The following PIAS4 variants were observed in gnomAD, a reference collection of about 807,000 sequenced individuals.
PIAS4 encodes the protein E3 SUMO-protein ligase PIAS4.
Under a neutral mutation model 58.0 loss-of-function variants are expected in PIAS4, and 7 were observed. The observed-to-expected ratio is 0.12, with a 90% CI of 0.07 to 0.23. The LOEUF (loss-of-function observed/expected upper bound fraction) is 0.23. Among genes scored for constraint, PIAS4 ranks in the 10% least tolerant of loss-of-function variants. The probability of loss-of-function intolerance (pLI) is 1.00; values close to 1 mark genes in which losing one functional copy is unlikely to be tolerated. For missense variants in PIAS4, 550 were observed against 709.5 expected (o/e 0.78, Z 2.55); for synonymous variants, 364 against 312.4 (o/e 1.17, Z -1.74).
intron 2 of PIAS4, among the ~76,000 whole-genome samples, chr19:4,021,239 G>A (rs780953680): frequency 5.3e-5 from 8 of 151,858 alleles, no homozygotes; most frequent in Non-Finnish European, 8.8e-5. Flanking sequence ...TGCAACCTCC[G>A]CCTTCTGGGT....
rs2040190954 is a variant in PIAS4 at position 4,028,527 on chromosome 19, C to T, written c.599C>T (p.Thr200Ile). Residue 200 changes from threonine to isoleucine, a missense_variant, in exon 5 of 11, where the codon ACC becomes ATC. This residue lies in a region of PIAS4 where 225 missense variants were observed against 345.8 expected (regional missense o/e 0.65). Transcript: ENST00000262971. ...QVVLRICYSD[T>I]SCPQEDQYPP... ...CGTTGCAGAATCTGTTACTCAGACA[C>T]CAGCTGCCCTCAGGAGGACCAGTAC... The T allele has an allele frequency of 1.2e-6, 2 of 1,612,734 alleles. No individual in the cohort carries two copies. Among genetic ancestry groups the T allele is most frequent in the Non-Finnish European group, 1.7e-6 (2 of 1,179,810 alleles).
At position 4,013,888 on chromosome 19, in the gene PIAS4, C is replaced by G. The variant is rs937086298; in HGVS notation, c.454+539C>G. 4.6e-5 allele frequency among the ~76,000 whole-genome samples: 7 copies of G among 152,146 alleles called. No individual in the cohort carries two copies. Among genetic ancestry groups the G allele is most frequent in the African/African-American group, 1.7e-4 (7 of 41,428 alleles). On this transcript the variant is annotated intron_variant, in intron 2 of 10. Transcript: ENST00000262971. The surrounding 1 kb of genome is among the most constrained non-coding windows in gnomAD (Gnocchi z 5.1). ...GCTGGAGCCCTTTTTATAACCCAACCTCGGACACGCCTCGCCATCTCCCCC... is the reference window on the plus strand; with the variant it reads ...GCTGGAGCCCTTTTTATAACCCAACGTCGGACACGCCTCGCCATCTCCCCC...
chr19:4,008,492 A>C (rs1242930720), intron 1 of PIAS4, among the ~76,000 whole-genome samples: 1 of 152,058 alleles, frequency 6.6e-6, no homozygotes, highest in Non-Finnish European at 1.5e-5. Context: ...CACACGCCGG[A>C]GTGGGCGCTT....
chr19:4,022,636 G>A (rs2040121642), intron 2 of PIAS4, among the ~76,000 whole-genome samples: 1 of 151,846 alleles, frequency 6.6e-6, no homozygotes, highest in African/African-American at 2.4e-5. Context: ...AAAATGCTGG[G>A]ATTACAGGCG....
chr19:4,017,622 C>G (rs912902308), intron 2 of PIAS4: 6 of 150,154 alleles, frequency 4.0e-5, no homozygotes, highest in Non-Finnish European at 8.8e-5. Flanking sequence ...GAGGGGACAG[C>G]CTGGGGAGGG....
chr19:4,030,163 G>A (rs1470347221), intron 7 of PIAS4, among the ~76,000 whole-genome samples: 2 of 147,994 alleles, frequency 1.4e-5, no homozygotes, highest in African/African-American at 5.0e-5. Flanking sequence ...GAATCTTGCT[G>A]TGTTGCCCAG....
intron 1 of PIAS4, among the ~76,000 whole-genome samples, chr19:4,008,067 G>T (rs1208153450): frequency 6.6e-6 from 1 of 151,660 alleles, no homozygotes; most frequent in Non-Finnish European, 1.5e-5. Flanking sequence ...TTAGGGTCCC[G>T]GTCCCTGAGC....
chr19:4,028,612 C>A lies in PIAS4; in HGVS notation c.672+12C>A. 6.2e-7 allele frequency: 1 copy of A among 1,611,864 alleles called. No individual in the cohort carries two copies. The highest frequency in any genetic ancestry group is 8.5e-7 in the Non-Finnish European group (1 of 1,179,244). On this transcript the variant is annotated intron_variant, in intron 5 of 10. Coordinates refer to ENST00000262971, the MANE Select transcript of PIAS4 (RefSeq NM_015897.4). ...ACTGCTCCGTCCCGGTGAGCATGCC[C>A]CGCCCCCGCGTCGGCTGCACGGGTT...
intron 3 of PIAS4, among the ~76,000 whole-genome samples, chr19:4,027,525 G>T (rs1201054901): frequency 6.6e-6 from 1 of 151,942 alleles, no homozygotes; most frequent in Non-Finnish European, 1.5e-5. Flanking sequence ...TTCTTCTGGG[G>T]GCGTTTCTTG....
chr19:4,022,248 G>A (rs1041482163), intron 2 of PIAS4, among the ~76,000 whole-genome samples: 2 of 152,174 alleles, frequency 1.3e-5, no homozygotes, highest in African/African-American at 2.4e-5. Context: ...AAAAGCTGTA[G>A]GGTCTGTACT....
chr19:4,035,745 C>G (rs568062614), intron 9 of PIAS4, among the ~76,000 whole-genome samples: 1 of 148,858 alleles, frequency 6.7e-6, no homozygotes, highest in African/African-American at 2.5e-5. Context: ...CCATACAGTC[C>G]ACACCATCAC....
At chr19:4,012,281 G>A (rs1037949291) in intron 1 of PIAS4, among the ~76,000 whole-genome samples, 6 of 152,002 alleles carry the variant, frequency 3.9e-5, no homozygotes, top group Non-Finnish European at 8.8e-5. Context: ...GCCTGGGTTC[G>A]AATCTTGGCG....
chr19:4,034,065 G>A lies in PIAS4; in HGVS notation c.1142+485G>A, dbSNP rs371580415. Among the ~76,000 whole-genome samples, 558 of 152,376 alleles carry A rather than the reference G, an allele frequency of 3.7e-3. 4 individuals are homozygous for A. Among genetic ancestry groups the A allele is most frequent in the African/African-American group, 0.013 (539 of 41,598 alleles). On this transcript the variant is annotated intron_variant, in intron 9 of 10. Transcript: ENST00000262971. Reference sequence around the variant, plus strand: ...GCCAGGCATTCCCCAGGCCACAGGGGACAGGAGGACAAGACCTTTCTCCCT... The same window carrying A: ...GCCAGGCATTCCCCAGGCCACAGGGAACAGGAGGACAAGACCTTTCTCCCT...
rs781519691 is a variant in PIAS4 at position 4,037,668 on chromosome 19, T to A, written c.1326T>A (p.Gly442=). Residue 442 remains glycine (G), a synonymous_variant, in exon 11 of 11, where the codon GGT becomes GGA. Transcript: ENST00000262971. The surrounding 1 kb of genome is among the most constrained non-coding windows in gnomAD (Gnocchi z 5.8). ...LLPAPSVNGS[G]ALGSTGGGGP... ...CCGCCCCCAGCGTCAACGGGAGCGG[T>A]GCCCTGGGCAGCACGGGTGGCGGCG... The A allele has an allele frequency of 6.2e-7, 1 of 1,612,008 alleles. No homozygotes were observed. The highest frequency in any genetic ancestry group is 8.5e-7 in the Non-Finnish European group (1 of 1,179,702).
chr19:4,036,926 T>C (rs1053375087), intron 9 of PIAS4, among the ~76,000 whole-genome samples: 2 of 151,760 alleles, frequency 1.3e-5, no homozygotes, highest in East Asian at 4.0e-4. Context: ...GTACACATGC[T>C]CACACACACA....
chr19:4,028,205 C>T lies in PIAS4; in HGVS notation c.581+18C>T, dbSNP rs375572427. 1.9e-5 allele frequency: 31 copies of T among 1,607,670 alleles called. No individual in the cohort carries two copies. The highest frequency in any genetic ancestry group is 1.6e-4 in the Middle Eastern group (1 of 6,062). On this transcript the variant is annotated intron_variant, in intron 4 of 10. Coordinates refer to ENST00000262971, the MANE Select transcript of PIAS4 (RefSeq NM_015897.4). ...GTCCTGAGGTATGCCCAGGTGTGCCCGCGACCCCAGGGCTGGACCCCCAGC... is the reference window on the plus strand; with the variant it reads ...GTCCTGAGGTATGCCCAGGTGTGCCTGCGACCCCAGGGCTGGACCCCCAGC...
intron 2 of PIAS4, among the ~76,000 whole-genome samples, chr19:4,019,695 C>T (rs1027190818): frequency 2.0e-5 from 3 of 152,310 alleles, no homozygotes; most frequent in Middle Eastern, 3.4e-3. Context: ...AGGCGGCCTT[C>T]CTCAAGGGCC....
In PIAS4 at chr19:4,028,708, A is replaced by G. The variant is rs980103992; in HGVS notation, c.673-12A>G. 2.6e-5 allele frequency: 41 copies of G among 1,605,664 alleles called. No homozygotes were observed. Among genetic ancestry groups the G allele is most frequent in the Non-Finnish European group, 3.4e-5 (40 of 1,174,910 alleles). On this transcript the variant is annotated splice_polypyrimidine_tract_variant and intron_variant, in intron 5 of 10. Coordinates refer to ENST00000262971, the MANE Select transcript of PIAS4 (RefSeq NM_015897.4). ...CTCTTGGCTCGAGGCTGAGCGGCCC[A>G]TCTGCTTGCAGGGCTACTACCCCTC...
chr19:4,015,037 A>G (rs1289233043), intron 2 of PIAS4, among the ~76,000 whole-genome samples: 1 of 152,150 alleles, frequency 6.6e-6, no homozygotes, highest in African/African-American at 2.4e-5. Context: ...TTTCTCTTGC[A>G]GGAGGTGTCT....
Sources: allele counts gnomAD v4.1 joint callset (sites outside exome capture counted in the v4.1 genomes callset), GRCh38; gene constraint gnomAD v4.1.1; regional missense constraint gnomAD v4.1.1; non-coding constraint Gnocchi (gnomAD v3.1); transcripts MANE v1.5; gene names NCBI Gene and HGNC (gene_info 2026-07-23, HGNC 2026-07-21).